The following KCNMB2 variants were observed in gnomAD, a reference collection of about 807,000 sequenced individuals.
KCNMB2 encodes the protein potassium calcium-activated channel subfamily M regulatory beta subunit 2, also known as calcium-activated potassium channel subunit beta-2.
In KCNMB2, 9 loss-of-function variants were observed where a neutral mutation model predicts 24.5. That is an observed-to-expected ratio of 0.37 (90% confidence interval 0.22 to 0.64). The LOEUF (loss-of-function observed/expected upper bound fraction) is 0.64, where lower values mean the gene tolerates loss of function less well. KCNMB2 is among the 30% of genes least tolerant of loss of function. The pLI is 0.63. For missense variants in KCNMB2, 226 were observed against 284.3 expected, an observed-to-expected ratio of 0.79 and a Z score of 1.47; for synonymous variants, 109 against 104.4, an observed-to-expected ratio of 1.04 and a Z score of -0.27.
At chr3:178,698,244 A>G (rs1721952273) in intron 1 of KCNMB2, among the ~76,000 whole-genome samples, 1 of 152,182 alleles carries the variant, frequency 6.6e-6, no homozygotes, top group South Asian at 2.1e-4. Flanking sequence ...AATAAGTCAT[A>G]GATTCATAAC....
At chr3:178,655,693 A>G (rs111967535) in intron 1 of KCNMB2, among the ~76,000 whole-genome samples, 2,014 of 152,320 alleles carry the variant, frequency 0.013, 35 homozygotes, top group African/African-American at 0.046. Context: ...TGAGGTTTTC[A>G]GAGGCCAGGA....
intron 1 of KCNMB2, among the ~76,000 whole-genome samples, chr3:178,763,797 G>C (rs955206953): frequency 2.6e-5 from 4 of 152,110 alleles, no homozygotes; most frequent in Admixed American, 2.6e-4. Flanking sequence ...GAAAACCATA[G>C]GTTATGTTAT....
intron 1 of KCNMB2, among the ~76,000 whole-genome samples, chr3:178,765,281 AC>A (rs1016693047): frequency 2.0e-5 from 3 of 152,122 alleles, no homozygotes; most frequent in African/African-American, 7.2e-5. Flanking sequence ...GTTATCAACC[AC>A]CCACTAAAAA....
chr3:178,736,669 T>C (rs1370972317), intron 1 of KCNMB2, among the ~76,000 whole-genome samples: 1 of 152,106 alleles, frequency 6.6e-6, no homozygotes, highest in African/African-American at 2.4e-5. Flanking sequence ...CCCCAAAGGC[T>C]CCTAATGGGC....
At chr3:178,796,331 A>G (rs1456299751) in intron 1 of KCNMB2, among the ~76,000 whole-genome samples, 4 of 152,214 alleles carry the variant, frequency 2.6e-5, no homozygotes, top group African/African-American at 9.6e-5. Context: ...CCCCACTTTC[A>G]GTATTGGACA....
chr3:178,646,352 G>C (rs895462903), intron 1 of KCNMB2, among the ~76,000 whole-genome samples: 2 of 152,186 alleles, frequency 1.3e-5, no homozygotes, highest in African/African-American at 4.8e-5. Flanking sequence ...TGAATCATCA[G>C]CACATTAATT....
chr3:178,646,666 G>A (rs1461344360), intron 1 of KCNMB2, among the ~76,000 whole-genome samples: 1 of 152,220 alleles, frequency 6.6e-6, no homozygotes, highest in Non-Finnish European at 1.5e-5. Context: ...AGAAGACAGG[G>A]TGATGGAAGC....
chr3:178,812,211 T>G (rs544353034), intron 2 of KCNMB2, among the ~76,000 whole-genome samples: 1 of 152,228 alleles, frequency 6.6e-6, no homozygotes, highest in Admixed American at 6.5e-5. Flanking sequence ...TTTCATGTCT[T>G]TTGATAAATA....
At chr3:178,800,812 T>C (rs1438157221) in intron 1 of KCNMB2, among the ~76,000 whole-genome samples, 1 of 152,146 alleles carries the variant, frequency 6.6e-6, no homozygotes, top group Non-Finnish European at 1.5e-5. Flanking sequence ...AAAGAAAATG[T>C]GGTACATATA....
intron 1 of KCNMB2, among the ~76,000 whole-genome samples, chr3:178,594,184 C>A (rs574178170): frequency 6.6e-6 from 1 of 151,804 alleles, no homozygotes; most frequent in Non-Finnish European, 1.5e-5. Context: ...TCATGTAGGA[C>A]CTTATGCTTT....
intron 1 of KCNMB2, among the ~76,000 whole-genome samples, chr3:178,751,831 A>C (rs1338248672): frequency 1.3e-5 from 2 of 152,260 alleles, no homozygotes; most frequent in African/African-American, 4.8e-5. Context: ...TAAAGCAACC[A>C]ATCAATGGCT....
At chr3:178,765,739 G>A (rs1454566188) in intron 1 of KCNMB2, among the ~76,000 whole-genome samples, 1 of 151,348 alleles carries the variant, frequency 6.6e-6, no homozygotes, top group African/African-American at 2.4e-5. Flanking sequence ...ACAAGACAAT[G>A]CTTTTATTAA....
At chr3:178,753,177 G>C (rs926544516) in intron 1 of KCNMB2, among the ~76,000 whole-genome samples, 1 of 152,210 alleles carries the variant, frequency 6.6e-6, no homozygotes, top group African/African-American at 2.4e-5. Flanking sequence ...TGTAGTGATA[G>C]TTATGTCTGT....
At chr3:178,658,713 C>A (rs998326941) in intron 1 of KCNMB2, among the ~76,000 whole-genome samples, 25 of 152,204 alleles carry the variant, frequency 1.6e-4, no homozygotes, top group Admixed American at 1.3e-3. Context: ...CTTCTGCTTT[C>A]TTTACTTCAT....
rs113603531 is a variant in KCNMB2, at chr3:178,693,771, G to A, written c.-67-113572G>A. On this transcript the variant is annotated intron_variant, in intron 1 of 4. Coordinates refer to ENST00000452583, the MANE Select transcript of KCNMB2 (RefSeq NM_181361.3). ...ATGCTGGCCTCCTACAATGAGTTAG[G>A]GAGGAGCCCCTAGTCCTCAATATTT... Among the ~76,000 whole-genome samples, 253 of 152,276 alleles carry A rather than the reference G, an allele frequency of 1.7e-3. 1 individual carries two copies. Among genetic ancestry groups the A allele is most frequent in the African/African-American group, 5.8e-3 (242 of 41,562 alleles).
intron 1 of KCNMB2, among the ~76,000 whole-genome samples, chr3:178,662,289 CA>C (rs1471825663): frequency 6.6e-6 from 1 of 152,098 alleles, no homozygotes; most frequent in Non-Finnish European, 1.5e-5. Flanking sequence ...TATCCAACAT[CA>C]AAAACTATTC....
Position 178,673,579 on chromosome 3 carries a change from G to A in KCNMB2, c.-67-133764G>A, listed in dbSNP as rs187650778. 3.8e-4 allele frequency among the ~76,000 whole-genome samples: 58 copies of A among 151,994 alleles called. No homozygotes were observed. In the East Asian group the frequency reaches 6.6e-3, roughly 17 times the overall value. Reference sequence around the variant, plus strand: ...TACTATAGATGAACTGTCAGGACACGTGTGGGAGAGCAACCCCTTCACTTT... The same window carrying A: ...TACTATAGATGAACTGTCAGGACACATGTGGGAGAGCAACCCCTTCACTTT... On this transcript the variant is annotated intron_variant, in intron 1 of 4. Coordinates refer to ENST00000452583, the MANE Select transcript of KCNMB2 (RefSeq NM_181361.3).
chr3:178,643,885 C>T (rs1719814808), intron 1 of KCNMB2, among the ~76,000 whole-genome samples: 1 of 152,214 alleles, frequency 6.6e-6, no homozygotes, highest in African/African-American at 2.4e-5. Context: ...ATATCATCAT[C>T]CCTCAAGAGC....
intron 1 of KCNMB2, among the ~76,000 whole-genome samples, chr3:178,766,767 T>C (rs1712137567): frequency 6.6e-6 from 1 of 152,222 alleles, no homozygotes; most frequent in Non-Finnish European, 1.5e-5. Flanking sequence ...AAAACATAAA[T>C]GGTTTTAAAA....
Sources: gnomAD v4.1 joint callset for allele counts (sites outside exome capture counted in the v4.1 genomes callset) on GRCh38, gnomAD v4.1.1 for gene constraint, MANE v1.5 for transcripts, NCBI Gene and HGNC (gene_info 2026-07-23, HGNC 2026-07-21) for gene names.